Variants in MBTD1 observed in about 807,000 individuals in gnomAD.
MBTD1 encodes the protein mbt domain containing 1, also known as MBT domain-containing protein 1.
Under a neutral mutation model 87.8 loss-of-function variants are expected in MBTD1, and 24 were observed. The observed-to-expected ratio is 0.27, with a 90% CI of 0.20 to 0.38. The LOEUF (loss-of-function observed/expected upper bound fraction) is 0.38, where lower values mean the gene tolerates loss of function less well. Ranked by LOEUF, MBTD1 falls within the 10% of genes least tolerant of loss-of-function variation. The probability of loss-of-function intolerance (pLI) is 1.00; values close to 1 mark genes in which losing one functional copy is unlikely to be tolerated. For missense variants in MBTD1, 436 were observed against 760.2 expected (o/e 0.57, Z 5.02); for synonymous variants, 237 against 248.6 (o/e 0.95, Z 0.44).
In MBTD1 at chr17:51,192,213, T is replaced by TCCTTTGTATTGCTGGGACTTAG; in HGVS notation, c.1736_1757dup (p.His587Ter). ...CACGTGGTGACCCACTTTTCTTATG[T>TCCTTTGTATTGCTGGGACTTAG]CCTTTGTATTGCTGGGACTTAGCCT... On this transcript the variant is annotated stop_gained and frameshift_variant, in exon 16 of 17. Transcript: ENST00000586178. LOFTEE classifies it high-confidence loss of function. 6.4e-7 allele frequency: 1 copy of TCCTTTGTATTGCTGGGACTTAG among 1,550,932 alleles called. No homozygotes were observed.
At chr17:51,197,983 G>T (rs1568162531) in intron 12 of MBTD1, among the ~76,000 whole-genome samples, 1 of 152,170 alleles carries the variant, frequency 6.6e-6, no homozygotes, top group East Asian at 1.9e-4. Flanking sequence ...ATCCACCCCA[G>T]TGCTACAATG....
chr17:51,219,092 C>A (rs1351209430), intron 4 of MBTD1, 48 bp from the exon 5 acceptor site: 3 of 946,360 alleles, frequency 3.2e-6, no homozygotes, highest in Non-Finnish European at 5.0e-6. Context: ...CATCCCCTCA[C>A]CACCACAATT....
chr17:51,197,248 C>T (rs528105578), intron 12 of MBTD1, among the ~76,000 whole-genome samples: 110 of 150,596 alleles, frequency 7.3e-4, no homozygotes, highest in Non-Finnish European at 1.5e-3. Flanking sequence ...ATTACAGGTG[C>T]TCACCACCAC....
At chr17:51,228,266 G>A (rs1408636959) in intron 2 of MBTD1, among the ~76,000 whole-genome samples, 1 of 152,036 alleles carries the variant, frequency 6.6e-6, no homozygotes, top group Non-Finnish European at 1.5e-5. Flanking sequence ...AATAACGAAT[G>A]AGTACTAGGC....
chr17:51,187,945 CGAGT>C (rs2050623915), intron 16 of MBTD1, among the ~76,000 whole-genome samples: 1 of 150,962 alleles, frequency 6.6e-6, no homozygotes, highest in Non-Finnish European at 1.5e-5. Flanking sequence ...CAGAATAAAC[CGAGT>C]AAGAGCAATA....
intron 16 of MBTD1, chr17:51,184,794 A>C (rs2050459605): frequency 2.0e-5 from 3 of 152,224 alleles, no homozygotes; most frequent in Admixed American, 6.5e-5. Context: ...GTAATGCAAG[A>C]CTATTTCATA....
At chr17:51,193,656 C>T (rs756965283) in intron 13 of MBTD1, 146 bp from the exon 14 acceptor site, 8 of 611,584 alleles carry the variant, frequency 1.3e-5, no homozygotes, top group Non-Finnish European at 2.1e-5. Flanking sequence ...CTTGCTCTGT[C>T]GCCCAGGCTG....
At chr17:51,220,220 C>T in intron 4 of MBTD1, 110 bp downstream of exon 4, 2 of 1,078,192 alleles carry the variant, frequency 1.9e-6, no homozygotes, top group Non-Finnish European at 2.6e-6. Flanking sequence ...GGTATAAAAC[C>T]ATAACTGAGT....
intron 16 of MBTD1, among the ~76,000 whole-genome samples, chr17:51,191,260 C>CTTTT (rs10545166): frequency 7.3e-6 from 1 of 136,590 alleles, no homozygotes; most frequent in African/African-American, 2.8e-5. Context: ...GAAAGAATTT[C>CTTTT]TTTTTTTTTT....
chr17:51,260,521 G>C, upstream of MBTD1: 6 of 1,500,700 alleles, frequency 4.0e-6, no homozygotes, highest in African/African-American at 1.4e-5. Context: ...CGGCCCGCGA[G>C]GGGCCTGGGC....
Position 51,179,500 on chromosome 17 carries a change from A to ATATATTTATATT in MBTD1, c.*1075_*1076insAATATAAATATA, listed in dbSNP as rs1555673751. ...AAGACAATTTTATATATATATATAT[A>ATATATTTATATT]TATATATATATATATATATATATAT... is the stretch of plus-strand genomic sequence containing the variant. On this transcript the variant is annotated 3_prime_UTR_variant, in exon 17 of 17. Transcript: ENST00000586178. 1.2e-4 allele frequency: 7 copies of ATATATTTATATT among 58,524 alleles called. No individual in the cohort carries two copies. The highest frequency in any genetic ancestry group is 5.2e-4 in the African/African-American group (6 of 11,434). 3.6% of individuals were successfully genotyped at this position (58,524 alleles called of 1,614,324 possible). A position where few individuals can be genotyped will look rare whatever the true frequency, so the allele number is the denominator to read the frequency against.
intron 1 of MBTD1, among the ~76,000 whole-genome samples, chr17:51,259,449 C>G (rs1409292585): frequency 6.6e-6 from 1 of 152,284 alleles, no homozygotes; most frequent in African/African-American, 2.4e-5. Flanking sequence ...TGTGCTCCCC[C>G]TCCCCGCCAA....
chr17:51,241,950 T>C (rs2054185323), intron 2 of MBTD1, among the ~76,000 whole-genome samples: 1 of 152,168 alleles, frequency 6.6e-6, no homozygotes, highest in Non-Finnish European at 1.5e-5. Context: ...GGGAGCCCCT[T>C]AAAGCCTACT....
At chr17:51,251,207 T>C (rs1013954729) in intron 2 of MBTD1, 1 of 152,206 alleles carries the variant, frequency 6.6e-6, no homozygotes, top group African/African-American at 2.4e-5. Flanking sequence ...CAGTTCTGTA[T>C]GGATGTGGCC....
chr17:51,206,028 TA>T (rs1290068769), intron 7 of MBTD1, among the ~76,000 whole-genome samples: 1 of 152,144 alleles, frequency 6.6e-6, no homozygotes, highest in African/African-American at 2.4e-5. Context: ...CTTGTCATAT[TA>T]ATACCTGGTA....
intron 16 of MBTD1, chr17:51,185,047 T>C (rs1197677797): frequency 6.6e-6 from 1 of 151,960 alleles, no homozygotes; most frequent in African/African-American, 2.4e-5. Flanking sequence ...CTAAAGAACA[T>C]ATCCTAAAAT....
intron 2 of MBTD1, among the ~76,000 whole-genome samples, chr17:51,248,665 T>G (rs2144155679): frequency 6.6e-6 from 1 of 152,322 alleles, no homozygotes. Flanking sequence ...CAGCATAGTG[T>G]TTCTGAGATT....
chr17:51,222,109 T>C (rs186003839), intron 3 of MBTD1, among the ~76,000 whole-genome samples: 22 of 152,340 alleles, frequency 1.4e-4, no homozygotes, highest in Middle Eastern at 3.4e-3. Flanking sequence ...CCAGAAATTA[T>C]ACATGTCAAA....
At chr17:51,216,610 T>G (rs2052582460) in intron 6 of MBTD1, among the ~76,000 whole-genome samples, 1 of 152,176 alleles carries the variant, frequency 6.6e-6, no homozygotes. Context: ...ACAAAAAAAT[T>G]AGAAAAAAGA....
Sources: gnomAD v4.1 joint callset for allele counts (sites outside exome capture counted in the v4.1 genomes callset) on GRCh38, gnomAD v4.1.1 for gene constraint, MANE v1.5 for transcripts, NCBI Gene and HGNC (gene_info 2026-07-23, HGNC 2026-07-21) for gene names.